Variants in ALDH1L2 observed in about 807,000 individuals in gnomAD.
ALDH1L2 encodes the protein aldehyde dehydrogenase 1 family member L2.
A neutral mutation model predicts 111.0 loss-of-function variants in ALDH1L2; 91 were observed. That is an observed-to-expected ratio of 0.82 (90% CI 0.69 to 0.98). ALDH1L2 has a LOEUF of 0.98. Among genes scored for constraint, ALDH1L2 ranks in the 50% least tolerant of loss-of-function variants. The probability of loss-of-function intolerance (pLI) is 0.00; values close to 1 mark genes in which losing one functional copy is unlikely to be tolerated. For missense variants in ALDH1L2, 995 were observed against 1,126.8 expected, an observed-to-expected ratio of 0.88 and a Z score of 1.67; for synonymous variants, 374 against 392.6, an observed-to-expected ratio of 0.95 and a Z score of 0.56.
Position 105,026,592 on chromosome 12 carries a change from G to T in ALDH1L2, c.2669C>A (p.Ala890Glu). Residue 890 changes from alanine (A) to glutamate (E), a missense_variant, in exon 22 of 23, where the codon GCG becomes GAG. Ala to Glu is a moderately radical substitution (Grantham distance 107). Transcript: ENST00000258494. ...TTGTTTAACTCCGCCAAATGGGGCC[G>T]CCACATCTGTCTTGTTGTATGTGTT... ...FINTYNKTDV[A>E]APFGGVKQSG... is the part of the protein sequence containing the mutation. 1 of 1,614,096 alleles carries T rather than the reference G, an allele frequency of 6.2e-7. No homozygotes were observed. Among genetic ancestry groups the T allele is most frequent in the Non-Finnish European group, 8.5e-7 (1 of 1,179,994 alleles).
chr12:105,069,350 A>G (rs1340342833), intron 3 of ALDH1L2, among the ~76,000 whole-genome samples: 6 of 152,232 alleles, frequency 3.9e-5, no homozygotes, highest in African/African-American at 7.2e-5. Flanking sequence ...TATTAATTCA[A>G]GCTAATACAG....
intron 1 of ALDH1L2, among the ~76,000 whole-genome samples, chr12:105,074,579 T>C (rs7299701): frequency 0.86 from 131,044 of 152,000 alleles, 56,711 homozygotes; most frequent in South Asian, 0.94. Context: ...CTCTCTCTAC[T>C]TTACATTCTT....
Position 105,063,005 on chromosome 12 carries a change from G to A in ALDH1L2, c.804C>T (p.Gly268=), listed in dbSNP as rs575306863. The change falls in exon 7 of 23, where the codon GGC becomes GGT. Residue 268 remains glycine, a synonymous_variant. Coordinates refer to ENST00000258494, the MANE Select transcript of ALDH1L2 (RefSeq NM_001034173.4). ...GCACAGAGCTATTCAGTAATGTCGAGCCATAGAAAGTGACCATCTAGTAAA... is the reference window on the plus strand; with the variant it reads ...GCACAGAGCTATTCAGTAATGTCGAACCATAGAAAGTGACCATCTAGTAAA... ...EINGQMVTFY[G]STLLNSSVPP... is the part of the protein sequence containing the mutation. The A allele has an allele frequency of 1.3e-5, 21 of 1,612,696 alleles. No individual in the cohort carries two copies. The East Asian group carries it at 4.5e-4, about 34-fold the overall frequency.
In ALDH1L2 at chr12:105,020,429, A is replaced by G. The variant is rs1220696952; in HGVS notation, c.*3995T>C. 2 of 152,222 alleles carry G rather than the reference A, an allele frequency of 1.3e-5. No individual in the cohort carries two copies. Among genetic ancestry groups the G allele is most frequent in the Non-Finnish European group, 2.9e-5 (2 of 68,048 alleles). 9.4% of individuals were successfully genotyped at this position (152,222 alleles called of 1,614,324 possible). On this transcript the variant is annotated 3_prime_UTR_variant, in exon 23 of 23. Transcript: ENST00000258494. ...GCTTGAAAACCTGTTCTGCCACTTAATAGCTGTGTGATTTGAGCAGGTTAC... is the reference window on the plus strand; with the variant it reads ...GCTTGAAAACCTGTTCTGCCACTTAGTAGCTGTGTGATTTGAGCAGGTTAC...
At chr12:105,064,381 C>T (rs1345965188) in intron 6 of ALDH1L2, among the ~76,000 whole-genome samples, 1 of 152,010 alleles carries the variant, frequency 6.6e-6, no homozygotes, top group African/African-American at 2.4e-5. Context: ...GTTAAGAAAC[C>T]TGCCCGAGGT....
chr12:105,070,885 C>T (rs1877648667), intron 2 of ALDH1L2, 81 bp from the exon 3 acceptor site: 3 of 1,157,556 alleles, frequency 2.6e-6, no homozygotes, highest in Non-Finnish European at 3.7e-6. Context: ...TGTAATTTTA[C>T]AGTTTCATGA....
At chr12:105,060,555 T>C (rs1415543838) in intron 9 of ALDH1L2, 1 of 153,866 alleles carries the variant, frequency 6.5e-6, no homozygotes, top group Non-Finnish European at 1.4e-5. Flanking sequence ...CCGAGCGTGG[T>C]GGCTCACACC....
rs769670462 is a variant in ALDH1L2 at position 105,066,664 on chromosome 12, T to A, written c.600A>T (p.Glu200Asp). 1 of 1,614,128 alleles carries A rather than the reference T, an allele frequency of 6.2e-7. No homozygotes were observed. The highest frequency in any genetic ancestry group is 1.7e-5 in the Admixed American group (1 of 60,026). The change falls in exon 5 of 23, where the codon GAA (glutamate) becomes GAT (aspartate). Residue 200 changes from glutamate (E) to aspartate (D), a missense_variant. Transcript: ENST00000258494. ...TTCCATCAGCTATGAGTTGGACAGC[T>A]TCTACCTAAGGCCAAAGACATCACC... ...LFPEGIKAMV[E>D]AVQLIADGKA...
At chr12:105,028,773 A>G (rs571944847) in intron 21 of ALDH1L2, among the ~76,000 whole-genome samples, 1 of 152,334 alleles carries the variant, frequency 6.6e-6, no homozygotes, top group African/African-American at 2.4e-5. Context: ...GTCTACAGCA[A>G]TGACAAGCAT....
At chr12:105,071,394 G>GC (rs201143444) in intron 2 of ALDH1L2, among the ~76,000 whole-genome samples, 8,626 of 151,692 alleles carry the variant, frequency 0.057, 825 homozygotes, top group African/African-American at 0.2. Flanking sequence ...CTGCTAAGGG[G>GC]TTTGGCCTCA....
intron 6 of ALDH1L2, among the ~76,000 whole-genome samples, 167 bp from the exon 7 acceptor site, chr12:105,063,189 C>G (rs972121484): frequency 7.2e-5 from 11 of 152,184 alleles, no homozygotes; most frequent in Admixed American, 2.0e-4. Flanking sequence ...AGAAATGACA[C>G]AAGGTGGCCG....
In ALDH1L2 at chr12:105,046,935, T is replaced by C. The variant is rs1191908839; in HGVS notation, c.1721A>G (p.Asn574Ser). The part of the protein sequence containing the change: ...STIPINQARP[N>S]RNLTFTKKEP... ...TTTCTTGGTGAAGGTCAGATTGCGATTTGGACGGGCCTGGTTGATTGGAAT... is the reference window on the plus strand; with the variant it reads ...TTTCTTGGTGAAGGTCAGATTGCGACTTGGACGGGCCTGGTTGATTGGAAT... Residue 574 changes from asparagine (N) to serine (S), a missense_variant, in exon 14 of 23, where the codon AAT becomes AGT. By Grantham distance (46) the Asn-to-Ser change is conservative (BLOSUM62 1). Coordinates refer to ENST00000258494, the MANE Select transcript of ALDH1L2 (RefSeq NM_001034173.4). The C allele has an allele frequency of 3.1e-6, 5 of 1,614,074 alleles. No individual in the cohort carries two copies. The African/African-American group carries it at 4.0e-5, about 13-fold the overall frequency.
rs1368453519 is a variant in ALDH1L2, at chr12:105,052,826, G to A, written c.1393C>T (p.Pro465Ser). ...DDGKTYDTIN[P>S]TDGSTICKVS... is the part of the protein sequence containing the mutation. The stretch of plus-strand genomic sequence containing the variant: ...GAATTACTCACAGATCCATCTGTTG[G>A]GTTGATAGTGTCGTAAGTCTTTCCA... Residue 465 changes from proline to serine, a missense_variant, in exon 11 of 23, where the codon CCA becomes TCA. By Grantham distance (74) the Pro-to-Ser change is moderately conservative. Transcript: ENST00000258494. The A allele has an allele frequency of 1.9e-6, 3 of 1,614,074 alleles. No individual in the cohort carries two copies. Among genetic ancestry groups the A allele is most frequent in the Non-Finnish European group, 1.7e-6 (2 of 1,179,988 alleles).
chr12:105,063,782 T>C (rs1024399520), intron 6 of ALDH1L2, among the ~76,000 whole-genome samples: 13 of 151,976 alleles, frequency 8.6e-5, no homozygotes, highest in Non-Finnish European at 1.3e-4. Context: ...GTGAGTCAGT[T>C]CATGGAAAAA....
chr12:105,066,213 G>T (rs957452975), intron 5 of ALDH1L2, among the ~76,000 whole-genome samples: 2 of 152,214 alleles, frequency 1.3e-5, no homozygotes, highest in African/African-American at 4.8e-5. Flanking sequence ...GCGAAGGATT[G>T]TTGGGCAGAC....
Position 105,028,715 on chromosome 12 carries a change from G to A in ALDH1L2, c.2516+1609C>T, listed in dbSNP as rs1446723734. ...GAAAGATGGTTTTATGCCATTTCTC[G>A]TTGAGGACTATCAAGATATCACCAT... On this transcript the variant is annotated intron_variant, in intron 21 of 22. Coordinates refer to ENST00000258494, the MANE Select transcript of ALDH1L2 (RefSeq NM_001034173.4). 2.6e-5 allele frequency among the ~76,000 whole-genome samples: 4 copies of A among 152,268 alleles called. No homozygotes were observed. The East Asian group carries it at 7.7e-4, about 29-fold the overall frequency.
Position 105,063,021 on chromosome 12 carries a change from A to C in ALDH1L2, c.788T>G (p.Met263Arg). The C allele has an allele frequency of 6.2e-7, 1 of 1,612,740 alleles. No homozygotes were observed. The highest frequency in any genetic ancestry group is 8.5e-7 in the Non-Finnish European group (1 of 1,179,636). The change falls in exon 7 of 23, where the codon ATG becomes AGG. Residue 263 changes from methionine (M) to arginine (R), a missense_variant and splice_region_variant. Physicochemically the swap from Met to Arg is moderately conservative, Grantham distance 91. Coordinates refer to ENST00000258494, the MANE Select transcript of ALDH1L2 (RefSeq NM_001034173.4). ...PGAWTEINGQ[M>R]VTFYGSTLLN... is the part of the protein sequence containing the mutation. ...TAATGTCGAGCCATAGAAAGTGACC[A>C]TCTAGTAAAGAGATCAAACACAGAT...
At position 105,040,627 on chromosome 12, in the gene ALDH1L2, A is replaced by G; in HGVS notation, c.1931T>C (p.Ile644Thr). The change falls in exon 16 of 23, where the codon ATC (isoleucine) becomes ACC (threonine). Residue 644 changes from isoleucine to threonine, a missense_variant. By Grantham distance (89) the Ile-to-Thr change is moderately conservative. Coordinates refer to ENST00000258494, the MANE Select transcript of ALDH1L2 (RefSeq NM_001034173.4). ...SVKAGFPKGV[I>T]NIIPGSGGIA... ...CTTACCTGAGCCTGGAATGATGTTG[A>G]TGACCCCCTTTGGAAAGCCTGCTTT... The G allele has an allele frequency of 1.2e-6, 2 of 1,614,102 alleles. No individual in the cohort carries two copies. Among genetic ancestry groups the G allele is most frequent in the Non-Finnish European group, 1.7e-6 (2 of 1,179,978 alleles).
intron 19 of ALDH1L2, among the ~76,000 whole-genome samples, chr12:105,032,440 T>C (rs776581402): frequency 6.6e-6 from 1 of 152,088 alleles, no homozygotes; most frequent in Non-Finnish European, 1.5e-5. Context: ...GGTTTCTCCA[T>C]GTTGGTCAGG....
Sources: allele counts gnomAD v4.1 joint callset (sites outside exome capture counted in the v4.1 genomes callset), GRCh38; gene constraint gnomAD v4.1.1; transcripts MANE v1.5; gene names NCBI Gene and HGNC (gene_info 2026-07-23, HGNC 2026-07-21).